POLR2B: variants seen among roughly 807,000 people sequenced by gnomAD.
POLR2B encodes RNA polymerase II subunit B.
POLR2B carries 57 observed loss-of-function variants against 144.6 expected under a neutral mutation model. The ratio of observed to expected loss-of-function variants is 0.39; its 90% confidence interval spans 0.32 to 0.49. The LOEUF (loss-of-function observed/expected upper bound fraction) is 0.49. Among genes scored for constraint, POLR2B ranks in the 20% least tolerant of loss-of-function variants. The pLI is 0.83. For missense variants in POLR2B, 595 were observed against 1,467.4 expected (o/e 0.41, Z 9.71); for synonymous variants, 442 against 469.8 (o/e 0.94, Z 0.77).
intron 16 of POLR2B, among the ~76,000 whole-genome samples, chr4:57,019,012 T>A (rs1373669137): frequency 6.6e-6 from 1 of 152,218 alleles, no homozygotes; most frequent in African/African-American, 2.4e-5. Context: ...TGTTATTTGT[T>A]AGTAAAGTTT....
At chr4:57,020,757 G>A in intron 16 of POLR2B, 142 bp from the exon 17 acceptor site, 1 of 691,990 alleles carries the variant, frequency 1.4e-6, no homozygotes, top group East Asian at 2.7e-5. Flanking sequence ...TATTCCAGGA[G>A]GAATAGACTT....
chr4:57,025,320 C>A, intron 22 of POLR2B, 57 bp from the exon 23 acceptor site: 1 of 1,236,890 alleles, frequency 8.1e-7, no homozygotes, highest in Non-Finnish European at 1.2e-6. Context: ...ATACACATAT[C>A]TTCTTTGACG....
Position 57,005,711 on chromosome 4 carries a change from A to G in POLR2B, c.1209A>G (p.Leu403=), listed in dbSNP as rs1267222432. 6.2e-7 allele frequency: 1 copy of G among 1,611,302 alleles called. No homozygotes were observed. Among genetic ancestry groups the G allele is most frequent in the Non-Finnish European group, 8.5e-7 (1 of 1,179,094 alleles). The change falls in exon 9 of 25, where the codon TTA becomes TTG. Residue 403 remains leucine, a synonymous_variant. Transcript: ENST00000314595. ...LDLAGPLLAF[L]FRGMFKNLLK... ...TTGCTGGGCCGCTGCTTGCATTCTT[A>G]TTTAGAGGGTAAGGAATTACAGAAT...
At position 57,005,578 on chromosome 4, in the gene POLR2B, C is replaced by G. The variant is rs776369216; in HGVS notation, c.1098-22C>G. 9 of 1,478,022 alleles carry G rather than the reference C, an allele frequency of 6.1e-6. No homozygotes were observed. The Admixed American group carries it at 2.3e-4, about 37-fold the overall frequency. The allele number at this position is 1,478,022 out of a possible 1,614,324, so 91.6% of individuals were successfully genotyped here. On this transcript the variant is annotated intron_variant, in intron 8 of 24. Transcript: ENST00000314595. Reference sequence around the variant, plus strand: ...AACTAAGTGTTTTCCCTCTTTCTTTCTTTCTTTTTTTTTTTTTAAAGATAC... The same window carrying G: ...AACTAAGTGTTTTCCCTCTTTCTTTGTTTCTTTTTTTTTTTTTAAAGATAC...
chr4:57,020,324 G>C (rs1365408977), intron 16 of POLR2B, among the ~76,000 whole-genome samples: 1 of 152,170 alleles, frequency 6.6e-6, no homozygotes, highest in Non-Finnish European at 1.5e-5. Flanking sequence ...GAGCCACCAT[G>C]CCCGACCTAA....
intron 9 of POLR2B, among the ~76,000 whole-genome samples, 177 bp from the exon 10 acceptor site, chr4:57,006,639 T>C (rs1406886999): frequency 6.6e-6 from 1 of 152,178 alleles, no homozygotes; most frequent in Non-Finnish European, 1.5e-5. Flanking sequence ...TCCCCTGCCA[T>C]GTATGTTCAC....
intron 1 of POLR2B, among the ~76,000 whole-genome samples, chr4:56,980,544 G>C (rs1722125919): frequency 6.6e-6 from 1 of 152,034 alleles, no homozygotes; most frequent in South Asian, 2.1e-4. Context: ...CAACATGGGA[G>C]ACCCCTCTCT....
rs150768951 is a variant in POLR2B at position 57,021,636 on chromosome 4, G to A, written c.2421-516G>A. Among the ~76,000 whole-genome samples the A allele has an allele frequency of 4.4e-4, 67 of 151,268 alleles. No homozygotes were observed. In the East Asian group the frequency reaches 0.01, roughly 24 times the overall value. On this transcript the variant is annotated intron_variant, in intron 17 of 24. Coordinates refer to ENST00000314595, the MANE Select transcript of POLR2B (RefSeq NM_000938.3). ...CCCAAGTACCTGGGATTACAGGCACGCACCACCATGCCAGAGTTTTTTTTT... is the reference window on the plus strand; with the variant it reads ...CCCAAGTACCTGGGATTACAGGCACACACCACCATGCCAGAGTTTTTTTTT...
In POLR2B at chr4:57,006,827, A is replaced by G. The variant is rs747522017; in HGVS notation, c.1229A>G (p.Asn410Ser). 7 of 1,610,922 alleles carry G rather than the reference A, an allele frequency of 4.3e-6. No homozygotes were observed. The highest frequency in any genetic ancestry group is 5.9e-6 in the Non-Finnish European group (7 of 1,177,450). The change falls in exon 10 of 25, where the codon AAT becomes AGT. Residue 410 changes from asparagine to serine, a missense_variant. Transcript: ENST00000314595. ...LAFLFRGMFK[N>S]LLKEVRIYAQ... is the part of the protein sequence containing the mutation. The stretch of plus-strand genomic sequence containing the variant: ...ATTTTATTCGGCAGTATGTTTAAGA[A>G]TTTGCTTAAAGAAGTGCGGATCTAT...
At chr4:56,994,351 AC>A (rs1322078115) in intron 3 of POLR2B, 52 bp from the exon 4 acceptor site, 2 of 940,686 alleles carry the variant, frequency 2.1e-6, no homozygotes, top group Non-Finnish European at 3.3e-6. Context: ...AATCACTAAA[AC>A]TTTTATGGAA....
chr4:57,028,774 A>G (rs1723805010), intron 23 of POLR2B, among the ~76,000 whole-genome samples: 1 of 152,230 alleles, frequency 6.6e-6, no homozygotes, highest in South Asian at 2.1e-4. Context: ...TCTGCTCTAA[A>G]AGATTAGGAC....
rs752472747 is a variant in POLR2B, at chr4:56,986,250, T to C, written c.20-104T>C. 2.8e-5 allele frequency: 22 copies of C among 784,894 alleles called. 1 individual carries two copies. The highest frequency in any genetic ancestry group is 4.4e-5 in the Non-Finnish European group (19 of 428,368). The allele number at this position is 784,894 out of a possible 1,614,324, so 48.6% of individuals were successfully genotyped here. On this transcript the variant is annotated intron_variant, in intron 1 of 24. Transcript: ENST00000314595. The stretch of plus-strand genomic sequence containing the variant: ...AAAAGTGGGGTGAAAGCATTACTTA[T>C]TCAGCAGAAAGTAAATATGTTTCTG...
chr4:57,017,314 C>G lies in POLR2B; in HGVS notation c.2154+73C>G. ...TAAAAATTGAAAGTAACTCTGTAGTCTTATCTGGAGGGAAAAAGCCTTTTA... is the reference window on the plus strand; with the variant it reads ...TAAAAATTGAAAGTAACTCTGTAGTGTTATCTGGAGGGAAAAAGCCTTTTA... On this transcript the variant is annotated intron_variant, in intron 15 of 24. Transcript: ENST00000314595. The surrounding 1 kb of genome is among the most constrained non-coding windows in gnomAD (Gnocchi z 4.8). 9.0e-7 allele frequency: 1 copy of G among 1,114,736 alleles called. No homozygotes were observed. Among genetic ancestry groups the G allele is most frequent in the Non-Finnish European group, 1.3e-6 (1 of 756,066 alleles). 69.1% of individuals were successfully genotyped at this position (1,114,736 alleles called of 1,614,324 possible).
chr4:56,991,679 G>C (rs924604888), intron 3 of POLR2B, among the ~76,000 whole-genome samples: 1 of 152,196 alleles, frequency 6.6e-6, no homozygotes, highest in African/African-American at 2.4e-5. Flanking sequence ...TGGACATGCT[G>C]TACAGAATTT....
chr4:56,993,937 C>T (rs552169541), intron 3 of POLR2B, among the ~76,000 whole-genome samples: 1 of 152,250 alleles, frequency 6.6e-6, no homozygotes, highest in Admixed American at 6.5e-5. Flanking sequence ...AAGGAGAGGG[C>T]ACAAGAAACT....
intron 3 of POLR2B, among the ~76,000 whole-genome samples, 166 bp downstream of exon 3, chr4:56,991,064 G>A (rs543114226): frequency 1.3e-5 from 2 of 152,180 alleles, no homozygotes; most frequent in South Asian, 2.1e-4. Context: ...ATGAAGAGGT[G>A]TGTTTTTTTG....
Position 57,023,451 on chromosome 4 carries a change from A to T in POLR2B, c.2637A>T (p.Glu879Asp), listed in dbSNP as rs1392204639. ...KTVTLPENEDELESTNRRYTK... is the reference protein window; with the variant it reads ...KTVTLPENEDDLESTNRRYTK... ...TCACCTTGCCTGAAAATGAAGATGA[A>T]TTGGAGAGCACCAATAGACGCTATA... The change falls in exon 19 of 25, where the codon GAA becomes GAT. Residue 879 changes from glutamate (E) to aspartate (D), a missense_variant. Physicochemically the swap from Glu to Asp is conservative, Grantham distance 45. Coordinates refer to ENST00000314595, the MANE Select transcript of POLR2B (RefSeq NM_000938.3). This position sits in a 1 kb window ranked among gnomAD's most constrained non-coding sequence, Gnocchi z 4.3. The T allele has an allele frequency of 1.9e-6, 3 of 1,614,140 alleles. No homozygotes were observed. Among genetic ancestry groups the T allele is most frequent in the East Asian group, 2.2e-5 (1 of 44,870 alleles).
chr4:57,004,760 C>T (rs1019487180), intron 7 of POLR2B, among the ~76,000 whole-genome samples: 1 of 152,218 alleles, frequency 6.6e-6, no homozygotes, highest in Non-Finnish European at 1.5e-5. Context: ...TCTTGGCTCA[C>T]TGCATCCTCT....
At chr4:56,985,621 C>T (rs1578555495) in intron 1 of POLR2B, among the ~76,000 whole-genome samples, 2 of 152,126 alleles carry the variant, frequency 1.3e-5, no homozygotes, top group African/African-American at 2.4e-5. Flanking sequence ...TGGCTGGTCT[C>T]GAACTCCTGA....
Sources: allele counts gnomAD v4.1 joint callset (sites outside exome capture counted in the v4.1 genomes callset), GRCh38; gene constraint gnomAD v4.1.1; non-coding constraint Gnocchi (gnomAD v3.1); transcripts MANE v1.5; gene names NCBI Gene and HGNC (gene_info 2026-07-23, HGNC 2026-07-21).